Variants in LRRC8C observed in about 807,000 individuals in gnomAD.
LRRC8C encodes volume-regulated anion channel subunit LRRC8C.
A neutral mutation model predicts 55.3 loss-of-function variants in LRRC8C; 20 were observed. That is an observed-to-expected ratio of 0.36 (90% CI 0.25 to 0.53). The LOEUF is 0.53. Among genes scored for constraint, LRRC8C ranks in the 20% least tolerant of loss-of-function variants. LRRC8C has a pLI of 0.92. For missense variants in LRRC8C, 659 were observed against 951.4 expected (o/e 0.69, Z 4.04); for synonymous variants, 376 against 360.7 (o/e 1.04, Z -0.48).
intron 2 of LRRC8C, among the ~76,000 whole-genome samples, chr1:89,703,263 T>A (rs919237394): frequency 6.6e-6 from 1 of 152,070 alleles, no homozygotes; most frequent in Admixed American, 6.5e-5. Flanking sequence ...AGAAAAAATA[T>A]AAGCCAGGGA....
intron 1 of LRRC8C, among the ~76,000 whole-genome samples, chr1:89,672,004 T>C (rs780694838): frequency 6.6e-5 from 10 of 152,188 alleles, no homozygotes; most frequent in Non-Finnish European, 1.2e-4. Context: ...CCTATCCTTA[T>C]GTCTCTACAG....
intron 1 of LRRC8C, among the ~76,000 whole-genome samples, chr1:89,671,454 G>A (rs548028386): frequency 2.6e-5 from 4 of 152,318 alleles, no homozygotes; most frequent in Admixed American, 2.6e-4. Context: ...AATTCTAGGT[G>A]GATTTCGAGT....
intron 1 of LRRC8C, among the ~76,000 whole-genome samples, chr1:89,634,099 G>C (rs555557280): frequency 3.3e-5 from 5 of 152,110 alleles, no homozygotes; most frequent in African/African-American, 7.2e-5. Flanking sequence ...ACGCCTGCCC[G>C]GTATACAGCA....
At chr1:89,622,110 T>G in the LRRC8C span, among the ~76,000 whole-genome samples, 6 of 152,164 alleles carry the variant, frequency 3.9e-5, no homozygotes, top group Non-Finnish European at 5.9e-5. Flanking sequence ...TTTCCAGCAG[T>G]TTAAAATACT....
chr1:89,667,352 T>G (rs1412499484), intron 1 of LRRC8C, among the ~76,000 whole-genome samples: 1 of 152,126 alleles, frequency 6.6e-6, no homozygotes, highest in Non-Finnish European at 1.5e-5. Context: ...TCCAAACTCC[T>G]TATTCCCCAC....
rs1180552383 is a variant in LRRC8C, at chr1:89,666,086, G to A, written c.-4-20384G>A. On this transcript the variant is annotated intron_variant, in intron 1 of 2. Transcript: ENST00000370454. ...TAAGTACACTCTATGACATCCACAC[G>A]ACAAAATTGCCTAATGATGCGTTTC... Among the ~76,000 whole-genome samples the A allele has an allele frequency of 2.6e-5, 4 of 152,036 alleles. No individual in the cohort carries two copies. In the East Asian group the frequency reaches 5.8e-4, roughly 22 times the overall value.
Position 89,679,129 on chromosome 1 carries a change from G to C in LRRC8C, c.-4-7341G>C, listed in dbSNP as rs1219280201. Among the ~76,000 whole-genome samples, 7 of 152,164 alleles carry C rather than the reference G, an allele frequency of 4.6e-5. No individual in the cohort carries two copies. In the South Asian group the frequency reaches 6.2e-4, roughly 14 times the overall value. ...AGCATTGGGATGTTCCAAACAAGGG[G>C]GTCGGGGAGAAGAGGAGGAAACAAC... On this transcript the variant is annotated intron_variant, in intron 1 of 2. Coordinates refer to ENST00000370454, the MANE Select transcript of LRRC8C (RefSeq NM_032270.5).
At chr1:89,671,441 A>G (rs1406327162) in intron 1 of LRRC8C, among the ~76,000 whole-genome samples, 3 of 152,212 alleles carry the variant, frequency 2.0e-5, no homozygotes, top group Non-Finnish European at 4.4e-5. Flanking sequence ...GTTCCTAAGG[A>G]GGAATTCTAG....
intron 1 of LRRC8C, among the ~76,000 whole-genome samples, chr1:89,669,754 T>A (rs1040997998): frequency 6.6e-6 from 1 of 152,176 alleles, no homozygotes; most frequent in African/African-American, 2.4e-5. Context: ...ACCACTATGA[T>A]TCTGAAGTAT....
At chr1:89,647,019 G>T (rs1656631207) in intron 1 of LRRC8C, among the ~76,000 whole-genome samples, 1 of 116,258 alleles carries the variant, frequency 8.6e-6, no homozygotes. Context: ...ACTCTGAAAG[G>T]GTATTTAATA....
intron 1 of LRRC8C, among the ~76,000 whole-genome samples, chr1:89,637,168 A>C (rs1434771997): frequency 1.3e-5 from 2 of 152,126 alleles, no homozygotes; most frequent in Non-Finnish European, 2.9e-5. Flanking sequence ...TTCATTAATA[A>C]ATTGCTTCCA....
At chr1:89,657,139 C>T (rs1301758818) in intron 1 of LRRC8C, among the ~76,000 whole-genome samples, 1 of 152,084 alleles carries the variant, frequency 6.6e-6, no homozygotes, top group East Asian at 1.9e-4. Flanking sequence ...CCGCTTATGA[C>T]TAAACTTAGA....
At chr1:89,685,400 C>T (rs547591623) in intron 1 of LRRC8C, among the ~76,000 whole-genome samples, 31 of 152,172 alleles carry the variant, frequency 2.0e-4, no homozygotes, top group South Asian at 1.2e-3. Flanking sequence ...CAGGCGTGAG[C>T]CACCGCGCCC....
chr1:89,669,370 T>C (rs892339021), intron 1 of LRRC8C, among the ~76,000 whole-genome samples: 3 of 152,180 alleles, frequency 2.0e-5, no homozygotes, highest in African/African-American at 7.2e-5. Context: ...TGTACAACAT[T>C]GTACCTATAG....
At chr1:89,707,180 G>A (rs529662971) in intron 2 of LRRC8C, among the ~76,000 whole-genome samples, 281 of 616 alleles carry the variant, frequency 0.46, 5 homozygotes, top group Admixed American at 0.5. Context: ...GCCGAGGCGG[G>A]TGGATCACTT....
rs894321080 is a variant in LRRC8C, at chr1:89,717,506, G to T, written c.*2524G>T. Reference sequence around the variant, plus strand: ...CCAACCTAAGTTTTGATAACATCTGGTAAGTCAGTATAGTTCTGTGACTTC... The same window carrying T: ...CCAACCTAAGTTTTGATAACATCTGTTAAGTCAGTATAGTTCTGTGACTTC... On this transcript the variant is annotated 3_prime_UTR_variant, in exon 3 of 3. Coordinates refer to ENST00000370454, the MANE Select transcript of LRRC8C (RefSeq NM_032270.5). 1.3e-5 allele frequency: 2 copies of T among 152,014 alleles called. No homozygotes were observed. The highest frequency in any genetic ancestry group is 2.4e-5 in the African/African-American group (1 of 41,388). 9.4% of individuals were successfully genotyped at this position (152,014 alleles called of 1,614,324 possible).
chr1:89,676,044 G>A (rs567073623), intron 1 of LRRC8C, among the ~76,000 whole-genome samples: 16 of 152,184 alleles, frequency 1.1e-4, no homozygotes, highest in Non-Finnish European at 2.2e-4. Flanking sequence ...TGAATTGTGC[G>A]GAATAGGCAT....
chr1:89,714,787 C>T lies in LRRC8C; in HGVS notation c.2217C>T (p.Asn739=), dbSNP rs1249760254. The T allele has an allele frequency of 6.2e-7, 1 of 1,613,864 alleles. No individual in the cohort carries two copies. Among genetic ancestry groups the T allele is most frequent in the Admixed American group, 1.7e-5 (1 of 59,958 alleles). Residue 739 remains asparagine, a synonymous_variant, in exon 3 of 3, where the codon AAC becomes AAT. Transcript: ENST00000370454. This position sits in a 1 kb window ranked among gnomAD's most constrained non-coding sequence, Gnocchi z 4.6. ...KKLKTLKIGK[N]SLSVLSPKIG... is the part of the protein sequence containing the mutation. ...TTAAAACTCTGAAGATTGGAAAAAA[C>T]AGCCTATCTGTACTTTCACCGAAAA... is the stretch of plus-strand genomic sequence containing the variant.
chr1:89,643,749 A>G (rs149090069), intron 1 of LRRC8C, among the ~76,000 whole-genome samples: 1 of 152,174 alleles, frequency 6.6e-6, no homozygotes, highest in African/African-American at 2.4e-5. Context: ...GTTTTCCTTC[A>G]TAGTGATAGA....
Sources: allele counts gnomAD v4.1 joint callset (sites outside exome capture counted in the v4.1 genomes callset), GRCh38; gene constraint gnomAD v4.1.1; non-coding constraint Gnocchi (gnomAD v3.1); transcripts MANE v1.5; gene names NCBI Gene and HGNC (gene_info 2026-07-23, HGNC 2026-07-21).